DNAI4: variants seen among roughly 807,000 people sequenced by gnomAD.
DNAI4 encodes WD repeat domain 78.
A neutral mutation model predicts 105.8 loss-of-function variants in DNAI4; 85 were observed. The ratio of observed to expected loss-of-function variants is 0.80; its 90% confidence interval spans 0.67 to 0.96. The LOEUF is 0.96. Among genes scored for constraint, DNAI4 ranks in the 40% least tolerant of loss-of-function variants. DNAI4 has a pLI of 0.00. For missense variants in DNAI4, 1,014 were observed against 1,005.6 expected, an observed-to-expected ratio of 1.01 and a Z score of -0.11; for synonymous variants, 352 against 331.5, an observed-to-expected ratio of 1.06 and a Z score of -0.67.
chr1:66,888,808 G>GT (rs1647357378), intron 4 of DNAI4, among the ~76,000 whole-genome samples: 3 of 152,306 alleles, frequency 2.0e-5, no homozygotes, highest in African/African-American at 7.2e-5. Flanking sequence ...GTTTTTGTTT[G>GT]TTTTTGATGT....
At chr1:66,892,988 A>AGAGAG (rs1647841690) in intron 3 of DNAI4, among the ~76,000 whole-genome samples, 1 of 123,968 alleles carries the variant, frequency 8.1e-6, no homozygotes, top group African/African-American at 3.5e-5. Flanking sequence ...AAAGAAAGAA[A>AGAGAG]GAAAGAAAGA....
At chr1:66,837,689 T>A (rs756513790) in intron 10 of DNAI4, 21 bp downstream of exon 10, 1 of 1,598,238 alleles carries the variant, frequency 6.3e-7, no homozygotes, top group Admixed American at 1.7e-5. Context: ...TAAAAATGCT[T>A]CTTATTCTTG....
In DNAI4 at chr1:66,814,197, AC is replaced by A. The variant is rs1572571009; in HGVS notation, c.2497-18del. ...TATATCTCCCTGAAAAAAAAAAGTC[AC>A]ACAATTACAATGCAATAAAATGCAA... On this transcript the variant is annotated intron_variant, in intron 16 of 16. Coordinates refer to ENST00000371026, the MANE Select transcript of DNAI4 (RefSeq NM_024763.5). 4 of 1,577,800 alleles carry A rather than the reference AC, an allele frequency of 2.5e-6. No homozygotes were observed. Among genetic ancestry groups the A allele is most frequent in the Middle Eastern group, 1.7e-4 (1 of 5,964 alleles).
At position 66,843,881 on chromosome 1, in the gene DNAI4, T is replaced by C. The variant is rs1456421769; in HGVS notation, c.1292-3210A>G. 2.0e-5 allele frequency among the ~76,000 whole-genome samples: 3 copies of C among 152,050 alleles called. No homozygotes were observed. In the East Asian group the frequency reaches 5.8e-4, roughly 29 times the overall value. On this transcript the variant is annotated intron_variant, in intron 8 of 16. Transcript: ENST00000371026. ...ATATATTTGTTTATTCTCTTGCCAATAGCATGCTGTCTTGACCACGATAGC... is the reference window on the plus strand; with the variant it reads ...ATATATTTGTTTATTCTCTTGCCAACAGCATGCTGTCTTGACCACGATAGC...
intron 13 of DNAI4, among the ~76,000 whole-genome samples, chr1:66,832,805 C>G (rs1645895876): frequency 1.3e-5 from 2 of 151,876 alleles, no homozygotes; most frequent in African/African-American, 4.8e-5. Flanking sequence ...CTTCTGTGTA[C>G]TCATAAAAAT....
intron 7 of DNAI4, among the ~76,000 whole-genome samples, chr1:66,859,730 A>G (rs1181801048): frequency 1.3e-5 from 2 of 152,200 alleles, no homozygotes; most frequent in Admixed American, 6.5e-5. Flanking sequence ...GACTCCAACT[A>G]TATGACAATG....
intron 13 of DNAI4, among the ~76,000 whole-genome samples, chr1:66,833,178 C>A (rs779658475): frequency 7.2e-5 from 11 of 152,008 alleles, no homozygotes; most frequent in Non-Finnish European, 1.5e-4. Context: ...AGGTTAGCAG[C>A]TAAATCTGTC....
intron 8 of DNAI4, among the ~76,000 whole-genome samples, chr1:66,846,561 C>A (rs1646279893): frequency 6.6e-6 from 1 of 152,108 alleles, no homozygotes; most frequent in African/African-American, 2.4e-5. Flanking sequence ...ATATAGCTAA[C>A]TTTTAGAGTC....
intron 1 of DNAI4, among the ~76,000 whole-genome samples, chr1:66,909,487 CTT>C (rs564709453): frequency 1.3e-4 from 18 of 143,716 alleles, no homozygotes; most frequent in African/African-American, 2.3e-4. Flanking sequence ...ATTCTTTTCT[CTT>C]TTTTTTTTTT....
intron 3 of DNAI4, among the ~76,000 whole-genome samples, chr1:66,891,753 C>T (rs189926686): frequency 6.6e-6 from 1 of 152,144 alleles, no homozygotes. Flanking sequence ...CGTGAACCAC[C>T]GCACCCAGCC....
At chr1:66,852,893 T>A (rs1187703606) in intron 7 of DNAI4, among the ~76,000 whole-genome samples, 1 of 152,174 alleles carries the variant, frequency 6.6e-6, no homozygotes, top group African/African-American at 2.4e-5. Flanking sequence ...GTGTCTGCCA[T>A]GTAAGGATAC....
At chr1:66,819,674 A>C (rs972717241) in intron 16 of DNAI4, among the ~76,000 whole-genome samples, 1 of 152,118 alleles carries the variant, frequency 6.6e-6, no homozygotes, top group Non-Finnish European at 1.5e-5. Flanking sequence ...GGTTTTATAT[A>C]TATATATAAT....
intron 4 of DNAI4, among the ~76,000 whole-genome samples, chr1:66,882,935 T>C (rs1481969840): frequency 2.0e-5 from 3 of 152,076 alleles, no homozygotes; most frequent in Non-Finnish European, 2.9e-5. Context: ...ATGAAATTCA[T>C]TTATTTATTT....
At chr1:66,861,669 T>C (rs535506689) in intron 7 of DNAI4, among the ~76,000 whole-genome samples, 2 of 152,270 alleles carry the variant, frequency 1.3e-5, no homozygotes, top group South Asian at 4.1e-4. Context: ...ACTGAAAGAT[T>C]TTTTGCAGTA....
intron 8 of DNAI4, among the ~76,000 whole-genome samples, chr1:66,844,850 G>A (rs1646236423): frequency 6.6e-6 from 1 of 152,114 alleles, no homozygotes; most frequent in African/African-American, 2.4e-5. Context: ...CTGACAAAGG[G>A]TTTGTATCCA....
At chr1:66,822,307 T>G (rs1572586718) in intron 16 of DNAI4, 54 bp downstream of exon 16, 2 of 1,438,606 alleles carry the variant, frequency 1.4e-6, no homozygotes. Context: ...GCTACAAAAG[T>G]ATAACTGAAT....
At chr1:66,876,013 G>C (rs993740459) in intron 4 of DNAI4, among the ~76,000 whole-genome samples, 4 of 152,032 alleles carry the variant, frequency 2.6e-5, no homozygotes, top group Non-Finnish European at 4.4e-5. Context: ...AACAAGGTCA[G>C]GAAACAGAAA....
intron 2 of DNAI4, among the ~76,000 whole-genome samples, chr1:66,894,999 T>G (rs1648190855): frequency 6.6e-6 from 1 of 152,234 alleles, no homozygotes; most frequent in African/African-American, 2.4e-5. Context: ...AAATTTAGGA[T>G]AATCTTAAAA....
At chr1:66,828,121 T>G (rs1645793161) in intron 13 of DNAI4, 1 of 300,778 alleles carries the variant, frequency 3.3e-6, no homozygotes, top group African/African-American at 2.2e-5. Context: ...AAAATATAAA[T>G]TGGTCCTTTG....
Sources: gnomAD v4.1 joint callset for allele counts (sites outside exome capture counted in the v4.1 genomes callset) on GRCh38, gnomAD v4.1.1 for gene constraint, MANE v1.5 for transcripts, NCBI Gene and HGNC (gene_info 2026-07-23, HGNC 2026-07-21) for gene names.